Variants in KPNB1 observed in about 807,000 individuals in gnomAD.
KPNB1 encodes the protein importin subunit beta-1.
A neutral mutation model predicts 113.0 loss-of-function variants in KPNB1; 7 were observed. The observed-to-expected ratio is 0.06, with a 90% CI of 0.04 to 0.12. KPNB1 has a LOEUF of 0.12. Among genes scored for constraint, KPNB1 ranks in the 10% least tolerant of loss-of-function variants. KPNB1 has a pLI of 1.00. For missense variants in KPNB1, 400 were observed against 1,054.8 expected (o/e 0.38, Z 8.60); for synonymous variants, 363 against 378.6 (o/e 0.96, Z 0.48).
chr17:47,680,760 T>C (rs1355133209), intron 21 of KPNB1, 91 bp downstream of exon 21: 1 of 1,313,078 alleles, frequency 7.6e-7, no homozygotes, highest in Non-Finnish European at 1.0e-6. Flanking sequence ...CACTGCCTTC[T>C]GGCATTTTTT....
intron 12 of KPNB1, among the ~76,000 whole-genome samples, chr17:47,671,231 T>A (rs1038690773): frequency 6.6e-6 from 1 of 152,206 alleles, no homozygotes; most frequent in Admixed American, 6.5e-5. Context: ...CACTCCAGCC[T>A]GGACAACAAG....
chr17:47,672,917 A>C, intron 12 of KPNB1, 101 bp from the exon 13 acceptor site: 62 of 1,090,610 alleles, frequency 5.7e-5, no homozygotes, highest in African/African-American at 8.0e-5. Context: ...AGGTCTGCAG[A>C]CATACCGGTT....
At chr17:47,658,230 T>A (rs1397762734) in intron 4 of KPNB1, among the ~76,000 whole-genome samples, 1 of 152,178 alleles carries the variant, frequency 6.6e-6, no homozygotes, top group Non-Finnish European at 1.5e-5. Context: ...TATTTGCATA[T>A]AACCTATGCA....
At position 47,663,242 on chromosome 17, in the gene KPNB1, G is replaced by A. The variant is rs1253079585; in HGVS notation, c.786+64G>A. The stretch of plus-strand genomic sequence containing the variant: ...ATTACAGAGCCCATCATCCTTAGTC[G>A]CTATTTTGCCAATTCTGTAATATTT... On this transcript the variant is annotated intron_variant, in intron 7 of 21. Coordinates refer to ENST00000290158, the MANE Select transcript of KPNB1 (RefSeq NM_002265.6). The A allele has an allele frequency of 3.9e-5, 33 of 856,474 alleles. No homozygotes were observed. The Middle Eastern group carries it at 8.8e-4, about 23-fold the overall frequency. 53.1% of individuals were successfully genotyped at this position (856,474 alleles called of 1,614,324 possible).
chr17:47,663,563 C>T (rs2030173344), intron 7 of KPNB1, among the ~76,000 whole-genome samples: 1 of 152,152 alleles, frequency 6.6e-6, no homozygotes, highest in Non-Finnish European at 1.5e-5. Flanking sequence ...ACTCTGGAGG[C>T]TGAGGCTGGA....
At chr17:47,661,314 T>C (rs1439574153) in intron 6 of KPNB1, 136 bp downstream of exon 6, 2 of 732,122 alleles carry the variant, frequency 2.7e-6, no homozygotes. Flanking sequence ...ATAATTAATA[T>C]TCTGGCTGGG....
chr17:47,661,624 G>A (rs1014697916), intron 6 of KPNB1, among the ~76,000 whole-genome samples: 2 of 151,790 alleles, frequency 1.3e-5, no homozygotes, highest in African/African-American at 2.4e-5. Context: ...TAGAGAAGAG[G>A]GAAGAATTGT....
intron 9 of KPNB1, among the ~76,000 whole-genome samples, chr17:47,667,060 A>C (rs1170003331): frequency 6.6e-6 from 1 of 152,216 alleles, no homozygotes; most frequent in Non-Finnish European, 1.5e-5. Flanking sequence ...CTTGGATTCT[A>C]ACTTAAGAGG....
intron 12 of KPNB1, 44 bp downstream of exon 12, chr17:47,670,876 G>A: frequency 6.5e-7 from 1 of 1,550,250 alleles, no homozygotes; most frequent in Non-Finnish European, 8.9e-7. Context: ...TTGCATCCAA[G>A]TTCTATTGCC....
Position 47,682,690 on chromosome 17 carries a change from G to A in KPNB1, c.*286G>A, listed in dbSNP as rs1406807851. The A allele has an allele frequency of 4.1e-6, 2 of 483,142 alleles. No individual in the cohort carries two copies. The highest frequency in any genetic ancestry group is 7.3e-6 in the Non-Finnish European group (2 of 272,294). The allele number at this position is 483,142 out of a possible 1,614,324, so 29.9% of individuals were successfully genotyped here. On this transcript the variant is annotated 3_prime_UTR_variant, in exon 22 of 22. Coordinates refer to ENST00000290158, the MANE Select transcript of KPNB1 (RefSeq NM_002265.6). The stretch of plus-strand genomic sequence containing the variant: ...ATGGAGTTACTTATTTAAAAAAAAA[G>A]AAAGAAAGTTATCTCTTCCCAGGAG...
chr17:47,671,306 A>C (rs2030438443), intron 12 of KPNB1, among the ~76,000 whole-genome samples: 1 of 152,226 alleles, frequency 6.6e-6, no homozygotes, highest in Non-Finnish European at 1.5e-5. Context: ...AAGATGGAGA[A>C]AGAAATGCAG....
intron 3 of KPNB1, among the ~76,000 whole-genome samples, chr17:47,655,532 A>G (rs1480521988): frequency 1.3e-5 from 2 of 152,210 alleles, no homozygotes; most frequent in East Asian, 1.9e-4. Flanking sequence ...AGGCCTTTCT[A>G]TGTAAGTCAC....
At chr17:47,678,662 C>T (rs2030684582) in intron 19 of KPNB1, 2 of 427,032 alleles carry the variant, frequency 4.7e-6, no homozygotes, top group South Asian at 2.5e-5. Context: ...GGCTGGAGTG[C>T]AGTCGTGCAA....
chr17:47,669,719 A>G lies in KPNB1; in HGVS notation c.1266A>G (p.Val422=), dbSNP rs1567892407. 15 of 1,613,390 alleles carry G rather than the reference A, an allele frequency of 9.3e-6. No individual in the cohort carries two copies. The highest frequency in any genetic ancestry group is 1.3e-5 in the Non-Finnish European group (15 of 1,179,352). ...TAGAATTAATGAAAGACCCCAGTGT[A>G]GTTGTTCGAGATACAGCTGCATGGA... ...TLIELMKDPS[V]VVRDTAAWTV... is the part of the protein sequence containing the mutation. The change falls in exon 11 of 22, where the codon GTA becomes GTG. Residue 422 remains valine (V), a synonymous_variant. Transcript: ENST00000290158.
rs773280749 is a variant in KPNB1, at chr17:47,680,021, G to C, written c.2355G>C (p.Pro785=). 1.4e-5 allele frequency: 22 copies of C among 1,604,854 alleles called. No homozygotes were observed. The East Asian group carries it at 4.5e-4, about 33-fold the overall frequency. The part of the protein sequence containing the change: ...GLKGDQENVH[P]DVMLVQPRVE... ...CAATACCTTCTCTCTCTTTTATAGCGGATGTGATGCTGGTACAACCCAGAG... is the reference window on the plus strand; with the variant it reads ...CAATACCTTCTCTCTCTTTTATAGCCGATGTGATGCTGGTACAACCCAGAG... Residue 785 remains proline (P), a splice_region_variant and synonymous_variant, in exon 20 of 22, where the codon CCG becomes CCC. Transcript: ENST00000290158.
chr17:47,678,023 C>T, intron 17 of KPNB1, 23 bp from the exon 18 acceptor site: 1 of 1,602,904 alleles, frequency 6.2e-7, no homozygotes. Flanking sequence ...ACTTAATTCA[C>T]TTTTCCTTTT....
At chr17:47,650,574 T>TCCCCCC (rs1333201997) in intron 2 of KPNB1, 130 bp downstream of exon 2, 8 of 503,318 alleles carry the variant, frequency 1.6e-5, no homozygotes, top group African/African-American at 1.2e-4. Context: ...CCCCTCCCCC[T>TCCCCCC]CCCCCCCCAA....
chr17:47,650,469 T>G (rs751900467), intron 2 of KPNB1, 25 bp downstream of exon 2: 1 of 1,586,154 alleles, frequency 6.3e-7, no homozygotes, highest in Non-Finnish European at 8.6e-7. Context: ...GCCGCGCCCA[T>G]CCCGCCGCGT....
In KPNB1 at chr17:47,664,827, A is replaced by G. The variant is rs138737234; in HGVS notation, c.898-230A>G. ...CAGGTTGTCCATATGAATTGAACTTATGAAAAAAAAGTTATACTTAATGTT... is the reference window on the plus strand; with the variant it reads ...CAGGTTGTCCATATGAATTGAACTTGTGAAAAAAAAGTTATACTTAATGTT... On this transcript the variant is annotated intron_variant, in intron 8 of 21. Transcript: ENST00000290158. Among the ~76,000 whole-genome samples, 749 of 152,334 alleles carry G rather than the reference A, an allele frequency of 4.9e-3. 4 individuals carry two copies. Among genetic ancestry groups the G allele is most frequent in the Non-Finnish European group, 8.4e-3 (569 of 68,026 alleles).
Sources: allele counts gnomAD v4.1 joint callset (sites outside exome capture counted in the v4.1 genomes callset), GRCh38; gene constraint gnomAD v4.1.1; transcripts MANE v1.5; gene names NCBI Gene and HGNC (gene_info 2026-07-23, HGNC 2026-07-21).